The following CENPA variants were observed in gnomAD, a reference collection of about 807,000 sequenced individuals.
The protein encoded by CENPA is centromere protein A, also known as histone H3-like centromeric protein A.
A neutral mutation model predicts 17.2 loss-of-function variants in CENPA; 7 were observed. The ratio of observed to expected loss-of-function variants is 0.41; its 90% CI spans 0.23 to 0.76. The LOEUF (loss-of-function observed/expected upper bound fraction) is 0.76, where lower values mean the gene tolerates loss of function less well. CENPA is among the 30% of genes least tolerant of loss of function. CENPA has a pLI of 0.34. For synonymous variants in CENPA, 82 were observed against 77.4 expected (o/e 1.06, Z -0.31); for missense variants, 149 against 193.1 (o/e 0.77, Z 1.35).
chr2:26,792,612 T>G, intron 2 of CENPA, 144 bp from the exon 3 acceptor site: 1 of 773,654 alleles, frequency 1.3e-6, no homozygotes, highest in Non-Finnish European at 2.3e-6. Context: ...CAACACCTGC[T>G]CCTAATTGGG....
chr2:26,790,482 A>G (rs1290870499), intron 1 of CENPA, among the ~76,000 whole-genome samples: 1 of 152,098 alleles, frequency 6.6e-6, no homozygotes, highest in Non-Finnish European at 1.5e-5. Context: ...GCCTGCCACC[A>G]TGCCCGGCTA....
intron 3 of CENPA, 50 bp from the exon 4 acceptor site, chr2:26,793,095 C>T (rs749632833): frequency 1.2e-6 from 2 of 1,601,942 alleles, no homozygotes; most frequent in South Asian, 1.1e-5. Context: ...CAAAAAAAAG[C>T]AGCCCGTGGC....
chr2:26,793,086 A>G, intron 3 of CENPA, 59 bp from the exon 4 acceptor site: 7 of 1,579,010 alleles, frequency 4.4e-6, no homozygotes, highest in East Asian at 2.3e-5. Flanking sequence ...GCAGGTTTCC[A>G]AAAAAAAGCA....
At chr2:26,790,808 C>T (rs1255483415) in intron 1 of CENPA, among the ~76,000 whole-genome samples, 3 of 151,228 alleles carry the variant, frequency 2.0e-5, no homozygotes, top group Non-Finnish European at 4.4e-5. Flanking sequence ...GGGATGGTCT[C>T]CTCTGCTGGC....
At chr2:26,791,654 C>A (rs4665347) in intron 1 of CENPA, among the ~76,000 whole-genome samples, 29,246 of 152,034 alleles carry the variant, frequency 0.19, 3,648 homozygotes, top group Admixed American at 0.34. Context: ...CAGATTCTTT[C>A]CAGCTGTAAA....
intron 3 of CENPA, 148 bp from the exon 4 acceptor site, chr2:26,792,997 G>A: frequency 1.6e-6 from 2 of 1,282,966 alleles, no homozygotes; most frequent in Non-Finnish European, 2.2e-6. Context: ...CGTGGTGATA[G>A]CAGAATTCCC....
intron 1 of CENPA, among the ~76,000 whole-genome samples, chr2:26,787,112 C>A (rs1173328159): frequency 6.6e-6 from 1 of 152,246 alleles, no homozygotes; most frequent in Non-Finnish European, 1.5e-5. Context: ...CCCTGTGTTA[C>A]CCAGGCTGGT....
chr2:26,790,298 T>G (rs922255725), intron 1 of CENPA, among the ~76,000 whole-genome samples: 2 of 151,970 alleles, frequency 1.3e-5, no homozygotes, highest in African/African-American at 2.4e-5. Context: ...ATGCTATGTC[T>G]TGTTTATTTT....
chr2:26,786,837 G>C (rs1664516416), intron 1 of CENPA, among the ~76,000 whole-genome samples: 1 of 152,166 alleles, frequency 6.6e-6, no homozygotes, highest in Admixed American at 6.5e-5. Context: ...GAGGCTGTTA[G>C]GCCTTGAACC....
chr2:26,786,291 C>A lies in CENPA; in HGVS notation c.95C>A (p.Ser32Tyr), dbSNP rs1664507429. The A allele has an allele frequency of 3.8e-6, 5 of 1,327,264 alleles. No individual in the cohort carries two copies. In the South Asian group the frequency reaches 9.5e-5, roughly 25 times the overall value. The allele number at this position is 1,327,264 out of a possible 1,614,324, so 82.2% of individuals were successfully genotyped here. ...PTPGPSRRGP[S>Y]LGASSHQHSR... ...CCCGGCCCCTCCCGGCGGGGCCCCTCCTTAGGTAACCGGCCGCGGCCCCAT... is the reference window on the plus strand; with the variant it reads ...CCCGGCCCCTCCCGGCGGGGCCCCTACTTAGGTAACCGGCCGCGGCCCCAT... The change falls in exon 1 of 5, where the codon TCC becomes TAC. Residue 32 changes from serine to tyrosine, a missense_variant. Transcript: ENST00000335756.
rs772258418 is a variant in CENPA at position 26,792,472 on chromosome 2, A to G, written c.210+232A>G. 5.1e-5 allele frequency: 36 copies of G among 712,246 alleles called. 1 individual carries two copies. The South Asian group carries it at 5.4e-4, about 11-fold the overall frequency. 44.1% of individuals were successfully genotyped at this position (712,246 alleles called of 1,614,324 possible). A position where few individuals can be genotyped will look rare whatever the true frequency, so the allele number is the denominator to read the frequency against. On this transcript the variant is annotated intron_variant, in intron 2 of 4. Coordinates refer to ENST00000335756, the MANE Select transcript of CENPA (RefSeq NM_001809.4). ...TAAAACTGTAGTTTTTGACTGTATAAATAGGAACTCTCTCGTTTGTCCACC... is the reference window on the plus strand; with the variant it reads ...TAAAACTGTAGTTTTTGACTGTATAGATAGGAACTCTCTCGTTTGTCCACC...
At chr2:26,787,338 C>T (rs1558297912) in intron 1 of CENPA, among the ~76,000 whole-genome samples, 1 of 152,218 alleles carries the variant, frequency 6.6e-6, no homozygotes, top group African/African-American at 2.4e-5. Flanking sequence ...GCCTCAGCCT[C>T]CCGAGTAGCT....
chr2:26,792,679 GGA>G (rs1248865536), intron 2 of CENPA, 75 bp from the exon 3 acceptor site: 1 of 1,196,462 alleles, frequency 8.4e-7, no homozygotes, highest in East Asian at 2.3e-5. Flanking sequence ...TGGAACTCAT[GGA>G]GAGCATCATT....
intron 1 of CENPA, among the ~76,000 whole-genome samples, chr2:26,786,588 T>C (rs1664512349): frequency 6.6e-6 from 1 of 152,254 alleles, no homozygotes; most frequent in South Asian, 2.1e-4. Flanking sequence ...TGCCTCCCAC[T>C]GTTCGTGCGT....
intron 1 of CENPA, among the ~76,000 whole-genome samples, chr2:26,788,452 T>C (rs1249017568): frequency 1.3e-5 from 2 of 152,008 alleles, no homozygotes; most frequent in East Asian, 3.9e-4. Flanking sequence ...TTTTTCTCCC[T>C]CCTCGACTTC....
chr2:26,792,164 A>G lies in CENPA; in HGVS notation c.134A>G (p.Gln45Arg), dbSNP rs1355931208. Reference sequence around the variant, plus strand: ...TCCCATCAACACAGTCGGCGGAGACAAGGTTGGCTAAAGGAGATCCGAAAG... The same window carrying G: ...TCCCATCAACACAGTCGGCGGAGACGAGGTTGGCTAAAGGAGATCCGAAAG... ...ASSHQHSRRRQGWLKEIRKLQ... is the reference protein window; with the variant it reads ...ASSHQHSRRRRGWLKEIRKLQ... The change falls in exon 2 of 5, where the codon CAA becomes CGA. Residue 45 changes from glutamine to arginine, a missense_variant. Coordinates refer to ENST00000335756, the MANE Select transcript of CENPA (RefSeq NM_001809.4). 2 of 1,614,050 alleles carry G rather than the reference A, an allele frequency of 1.2e-6. No individual in the cohort carries two copies. Among genetic ancestry groups the G allele is most frequent in the South Asian group, 2.2e-5 (2 of 91,040 alleles).
intron 1 of CENPA, among the ~76,000 whole-genome samples, chr2:26,790,127 A>T (rs10865440): frequency 0.28 from 42,148 of 151,866 alleles, 6,439 homozygotes; most frequent in Non-Finnish European, 0.34. Flanking sequence ...GAGTTCATTA[A>T]CCATTTTTCT....
At chr2:26,787,902 C>G (rs996910320) in intron 1 of CENPA, among the ~76,000 whole-genome samples, 1 of 149,810 alleles carries the variant, frequency 6.7e-6, no homozygotes, top group Non-Finnish European at 1.5e-5. Flanking sequence ...CTGCAAATAA[C>G]TTTTGAATCT....
At chr2:26,792,564 C>G in intron 2 of CENPA, 192 bp from the exon 3 acceptor site, 1 of 718,774 alleles carries the variant, frequency 1.4e-6, no homozygotes, top group Middle Eastern at 2.3e-4. Flanking sequence ...TTCCCCATCA[C>G]CAGTAAGAGA....
Sources: allele counts gnomAD v4.1 joint callset (sites outside exome capture counted in the v4.1 genomes callset), GRCh38; gene constraint gnomAD v4.1.1; transcripts MANE v1.5; gene names NCBI Gene and HGNC (gene_info 2026-07-23, HGNC 2026-07-21).